L3MBTL4: variants seen among roughly 807,000 people sequenced by gnomAD.
The protein encoded by L3MBTL4 is lethal(3)malignant brain tumor-like protein 4.
In L3MBTL4, 70 loss-of-function variants were observed where a neutral mutation model predicts 84.5. That is an observed-to-expected ratio of 0.83 (90% CI 0.68 to 1.01). The LOEUF (loss-of-function observed/expected upper bound fraction) is 1.01. Among genes scored for constraint, L3MBTL4 ranks in the 50% least tolerant of loss-of-function variants. The pLI is 0.00. For missense variants in L3MBTL4, 715 were observed against 754.8 expected (o/e 0.95, Z 0.62); for synonymous variants, 274 against 259.8 (o/e 1.05, Z -0.52).
chr18:6,236,199 G>T (rs1471436692), intron 10 of L3MBTL4, among the ~76,000 whole-genome samples: 1 of 152,158 alleles, frequency 6.6e-6, no homozygotes, highest in Non-Finnish European at 1.5e-5. Context: ...TTACTACAAA[G>T]CTACAGTAAT....
intron 16 of L3MBTL4, among the ~76,000 whole-genome samples, chr18:6,061,269 T>C (rs1183792146): frequency 6.6e-6 from 1 of 152,134 alleles, no homozygotes; most frequent in Non-Finnish European, 1.5e-5. Context: ...GATCTTTTAA[T>C]ATGCTTATTT....
At chr18:6,312,591 C>T (rs979526331) in intron 1 of L3MBTL4, among the ~76,000 whole-genome samples, 4 of 152,172 alleles carry the variant, frequency 2.6e-5, no homozygotes, top group African/African-American at 4.8e-5. Context: ...GGCTCTACAC[C>T]CACGGTTCAC....
chr18:6,191,677 C>T (rs2045099740), intron 12 of L3MBTL4, among the ~76,000 whole-genome samples: 1 of 152,002 alleles, frequency 6.6e-6, no homozygotes, highest in South Asian at 2.1e-4. Context: ...AGTGACGAGC[C>T]CCAGTGCACA....
chr18:5,982,719 A>G (rs865924298), intron 16 of L3MBTL4, among the ~76,000 whole-genome samples: 1 of 152,232 alleles, frequency 6.6e-6, no homozygotes, highest in Non-Finnish European at 1.5e-5. Flanking sequence ...ATTTTAAAAA[A>G]GTCCAGAGAT....
At position 6,071,801 on chromosome 18, in the gene L3MBTL4, GAAAAA is replaced by G. The variant is rs1568067006; in HGVS notation, c.1444+9075_1444+9079del. 6.6e-3 allele frequency among the ~76,000 whole-genome samples: 780 copies of G among 117,978 alleles called. 8 individuals are homozygous for G. Among genetic ancestry groups the G allele is most frequent in the African/African-American group, 0.024 (738 of 31,390 alleles). The allele number at this position is 117,978 out of a possible 152,430, so 77.4% of individuals were successfully genotyped here. A position where few individuals can be genotyped will look rare whatever the true frequency, so the allele number is the denominator to read the frequency against. On this transcript the variant is annotated intron_variant, in intron 16 of 18. Coordinates refer to ENST00000317931, the MANE Select transcript of L3MBTL4 (RefSeq NM_001330559.2). ...AGAAAGAAAGAAAGAAAGAAAGAAA[GAAAAA>G]GAAAGAAAGGAAAGAAAGAAAGAAA...
At chr18:6,151,279 G>A (rs2042882571) in intron 13 of L3MBTL4, among the ~76,000 whole-genome samples, 1 of 152,162 alleles carries the variant, frequency 6.6e-6, no homozygotes, top group African/African-American at 2.4e-5. Flanking sequence ...CAACTCATAA[G>A]TCATATTATG....
At chr18:6,384,023 A>C (rs2054710129) in intron 1 of L3MBTL4, among the ~76,000 whole-genome samples, 1 of 152,190 alleles carries the variant, frequency 6.6e-6, no homozygotes, top group African/African-American at 2.4e-5. Flanking sequence ...CAGAATCTCT[A>C]AGGGTGGAAG....
In L3MBTL4 at chr18:6,158,252, A is replaced by G. The variant is rs531296023; in HGVS notation, c.1096+13576T>C. Among the ~76,000 whole-genome samples the G allele has an allele frequency of 3.0e-4, 46 of 152,358 alleles. No homozygotes were observed. The South Asian group carries it at 9.3e-3, about 31-fold the overall frequency. On this transcript the variant is annotated intron_variant, in intron 13 of 18. Coordinates refer to ENST00000317931, the MANE Select transcript of L3MBTL4 (RefSeq NM_001330559.2). ...GACAACTGAGATGATTACATATTGT[A>G]TTTTGCACTGCGGAGATAAGGAAGT...
intron 14 of L3MBTL4, among the ~76,000 whole-genome samples, chr18:6,097,135 A>C (rs144531554): frequency 1.0e-3 from 159 of 152,358 alleles, no homozygotes; most frequent in African/African-American, 3.3e-3. Context: ...CTACCAAATA[A>C]TTTACCAAAA....
chr18:6,304,014 C>CAAAAAAAAAA, intron 3 of L3MBTL4, among the ~76,000 whole-genome samples: 1 of 52,726 alleles, frequency 1.9e-5, no homozygotes, highest in Non-Finnish European at 4.2e-5. Flanking sequence ...AACTCCATCT[C>CAAAAAAAAAA]AAAAAAAAAA....
At chr18:5,997,353 T>C (rs2054020932) in intron 16 of L3MBTL4, among the ~76,000 whole-genome samples, 1 of 142,076 alleles carries the variant, frequency 7.0e-6, no homozygotes, top group African/African-American at 3.1e-5. Context: ...TCCTCACAAT[T>C]TGCCCATCAG....
chr18:6,089,566 C>T (rs994515925), intron 15 of L3MBTL4, among the ~76,000 whole-genome samples: 4 of 152,106 alleles, frequency 2.6e-5, no homozygotes, highest in African/African-American at 7.2e-5. Context: ...ACTAGTCTAA[C>T]GTAGTTGAAT....
At chr18:6,398,650 T>C (rs1467669119) in intron 1 of L3MBTL4, among the ~76,000 whole-genome samples, 1 of 151,640 alleles carries the variant, frequency 6.6e-6, no homozygotes, top group East Asian at 1.9e-4. Flanking sequence ...CCTGGCCTCA[T>C]TCAGCCTATA....
At chr18:6,322,690 C>T (rs899335090) in intron 1 of L3MBTL4, among the ~76,000 whole-genome samples, 2 of 152,226 alleles carry the variant, frequency 1.3e-5, no homozygotes, top group African/African-American at 4.8e-5. Flanking sequence ...AAGTGAGATC[C>T]TGTCATTTGC....
chr18:6,314,211 T>G (rs967948692), intron 1 of L3MBTL4, among the ~76,000 whole-genome samples: 1 of 152,228 alleles, frequency 6.6e-6, no homozygotes, highest in African/African-American at 2.4e-5. Context: ...CTTGATGTCC[T>G]TGGCATGGTA....
At chr18:6,317,088 G>A (rs531901158) in intron 1 of L3MBTL4, among the ~76,000 whole-genome samples, 1 of 152,048 alleles carries the variant, frequency 6.6e-6, no homozygotes, top group Non-Finnish European at 1.5e-5. Flanking sequence ...AACCCCATAG[G>A]AGATGCTGAA....
At chr18:6,052,978 T>C (rs2056888599) in intron 16 of L3MBTL4, among the ~76,000 whole-genome samples, 1 of 152,232 alleles carries the variant, frequency 6.6e-6, no homozygotes, top group Non-Finnish European at 1.5e-5. Context: ...TCCCGTTAAT[T>C]TGTATTTCCC....
At chr18:6,155,940 TA>T (rs1598934702) in intron 13 of L3MBTL4, among the ~76,000 whole-genome samples, 1 of 152,198 alleles carries the variant, frequency 6.6e-6, no homozygotes, top group Non-Finnish European at 1.5e-5. Context: ...ACTTGTAAAA[TA>T]AAACTATGAC....
chr18:6,342,530 T>A (rs1180181863), intron 1 of L3MBTL4, among the ~76,000 whole-genome samples: 1 of 152,120 alleles, frequency 6.6e-6, no homozygotes, highest in African/African-American at 2.4e-5. Flanking sequence ...TAACTGTAAG[T>A]GTTTTATGTG....
Sources: allele counts gnomAD v4.1 joint callset (sites outside exome capture counted in the v4.1 genomes callset), GRCh38; gene constraint gnomAD v4.1.1; transcripts MANE v1.5; gene names NCBI Gene and HGNC (gene_info 2026-07-23, HGNC 2026-07-21).